TFDP1: variants seen among roughly 807,000 people sequenced by gnomAD.
TFDP1 encodes the protein transcription factor Dp-1.
In TFDP1, 6 loss-of-function variants were observed where a neutral mutation model predicts 48.0. That is an observed-to-expected ratio of 0.13 (90% CI 0.07 to 0.25). The LOEUF (loss-of-function observed/expected upper bound fraction) is 0.25. Ranked by LOEUF, TFDP1 falls within the 10% of genes least tolerant of loss-of-function variation. TFDP1 has a pLI of 1.00. For synonymous variants in TFDP1, 201 were observed against 211.6 expected, an observed-to-expected ratio of 0.95 and a Z score of 0.44; for missense variants, 335 against 543.0, an observed-to-expected ratio of 0.62 and a Z score of 3.81.
In TFDP1 at chr13:113,640,397, T is replaced by C. The variant is rs1460014712; in HGVS notation, c.*130T>C. On this transcript the variant is annotated 3_prime_UTR_variant, in exon 12 of 12. Coordinates refer to ENST00000375370, the MANE Select transcript of TFDP1 (RefSeq NM_007111.5). ...ATTGGTAAGCTATTGAATTTAGATATGCACCTCTGATAAGCAAGGATTGTT... is the reference window on the plus strand; with the variant it reads ...ATTGGTAAGCTATTGAATTTAGATACGCACCTCTGATAAGCAAGGATTGTT... 2.2e-5 allele frequency: 31 copies of C among 1,427,524 alleles called. No individual in the cohort carries two copies. Among genetic ancestry groups the C allele is most frequent in the South Asian group, 9.3e-5 (7 of 75,460 alleles). 88.4% of individuals were successfully genotyped at this position (1,427,524 alleles called of 1,614,324 possible).
At chr13:113,610,221 G>C (rs2048674030) in intron 2 of TFDP1, among the ~76,000 whole-genome samples, 1 of 150,634 alleles carries the variant, frequency 6.6e-6, no homozygotes, top group South Asian at 2.1e-4. Flanking sequence ...TGTGTGTCCT[G>C]TGTGGCTGTA....
chr13:113,640,478 C>A lies in TFDP1; in HGVS notation c.*211C>A. 1.5e-6 allele frequency: 1 copy of A among 664,650 alleles called. No homozygotes were observed. Among genetic ancestry groups the A allele is most frequent in the Non-Finnish European group, 2.3e-6 (1 of 441,074 alleles). The allele number at this position is 664,650 out of a possible 1,614,324, so 41.2% of individuals were successfully genotyped here. On this transcript the variant is annotated 3_prime_UTR_variant, in exon 12 of 12. Transcript: ENST00000375370. ...GTGTTTTGATACCAGTGTGCTGATG[C>A]AGAGCGTTTATTTACTTGTTAGGAT... is the stretch of plus-strand genomic sequence containing the variant.
At chr13:113,597,754 T>C (rs2048320691) in intron 2 of TFDP1, among the ~76,000 whole-genome samples, 2 of 152,224 alleles carry the variant, frequency 1.3e-5, no homozygotes, top group Admixed American at 1.3e-4. Context: ...GGGGCTGATC[T>C]GATCAGAGCT....
intron 3 of TFDP1, among the ~76,000 whole-genome samples, chr13:113,615,411 G>A (rs757608813): frequency 2.6e-5 from 4 of 152,174 alleles, no homozygotes; most frequent in Non-Finnish European, 5.9e-5. Flanking sequence ...CTGTCTGAGG[G>A]TGACCTGGCC....
intron 3 of TFDP1, among the ~76,000 whole-genome samples, chr13:113,618,839 G>C (rs2048924791): frequency 6.6e-6 from 1 of 152,196 alleles, no homozygotes; most frequent in South Asian, 2.1e-4. Flanking sequence ...TCTATGTATG[G>C]GTAAATCTGA....
intron 3 of TFDP1, among the ~76,000 whole-genome samples, chr13:113,617,362 T>C (rs2048883527): frequency 6.6e-6 from 1 of 152,122 alleles, no homozygotes; most frequent in South Asian, 2.1e-4. Flanking sequence ...AGAAGAACAT[T>C]CTGTTGTGGC....
chr13:113,624,907 C>T (rs189033056), intron 4 of TFDP1, among the ~76,000 whole-genome samples: 170 of 145,010 alleles, frequency 1.2e-3, no homozygotes, highest in African/African-American at 4.1e-3. Flanking sequence ...TCCGGTGTCT[C>T]TCACTTGTCC....
At chr13:113,615,104 C>G (rs1267253755) in intron 3 of TFDP1, among the ~76,000 whole-genome samples, 3 of 152,176 alleles carry the variant, frequency 2.0e-5, no homozygotes, top group Non-Finnish European at 4.4e-5. Context: ...CATTTTGCAT[C>G]CACAGGCTCC....
In TFDP1 at chr13:113,623,814, C is replaced by G. The variant is rs2049053905; in HGVS notation, c.186+528C>G. Among the ~76,000 whole-genome samples the G allele has an allele frequency of 6.6e-6, 1 of 152,176 alleles. No homozygotes were observed. The highest frequency in any genetic ancestry group is 2.4e-5 in the African/African-American group (1 of 41,452). On this transcript the variant is annotated intron_variant, in intron 4 of 11. Coordinates refer to ENST00000375370, the MANE Select transcript of TFDP1 (RefSeq NM_007111.5). This position sits in a 1 kb window ranked among gnomAD's most constrained non-coding sequence, Gnocchi z 5.2. ...GGGCATTGGGAAGTGGCGCATCCCC[C>G]CTCCCCAGGCTGATGCTGGCCAACT...
chr13:113,609,279 C>T (rs1177494584), intron 2 of TFDP1, among the ~76,000 whole-genome samples: 1 of 152,204 alleles, frequency 6.6e-6, no homozygotes, highest in East Asian at 1.9e-4. Context: ...GATGCAGCCC[C>T]CCTGCACATC....
intron 2 of TFDP1, among the ~76,000 whole-genome samples, chr13:113,603,909 C>T (rs1594440593): frequency 6.6e-6 from 1 of 152,084 alleles, no homozygotes; most frequent in Admixed American, 6.5e-5. Context: ...ATGTTAAAAA[C>T]ACGAAGCTAG....
chr13:113,622,294 C>G (rs538702794), intron 3 of TFDP1, among the ~76,000 whole-genome samples: 26 of 152,342 alleles, frequency 1.7e-4, no homozygotes, highest in Non-Finnish European at 2.5e-4. Flanking sequence ...CTTCTACACT[C>G]TCTCGTCTCC....
chr13:113,636,411 C>A, intron 9 of TFDP1, 123 bp from the exon 10 acceptor site: 1 of 1,165,508 alleles, frequency 8.6e-7, no homozygotes, highest in African/African-American at 1.5e-5. Context: ...TGAGGAGACA[C>A]TGATGACTGG....
intron 8 of TFDP1, 87 bp from the exon 9 acceptor site, chr13:113,635,890 C>G: frequency 6.9e-7 from 1 of 1,458,282 alleles, no homozygotes; most frequent in Non-Finnish European, 9.3e-7. Flanking sequence ...GTCACGTGGA[C>G]GCAGGGAGGG....
At chr13:113,626,684 C>G (rs1282346076) in intron 4 of TFDP1, among the ~76,000 whole-genome samples, 2 of 152,164 alleles carry the variant, frequency 1.3e-5, no homozygotes, top group Admixed American at 1.3e-4. Flanking sequence ...TTGTGGAAGC[C>G]CTACCACGTC....
intron 4 of TFDP1, among the ~76,000 whole-genome samples, chr13:113,624,986 G>C (rs1433398340): frequency 8.0e-6 from 1 of 125,010 alleles, no homozygotes; most frequent in African/African-American, 3.4e-5. Context: ...CATGTCCTCA[G>C]GTGTCTCTCA....
chr13:113,610,671 TTAAA>T (rs1450611881), intron 2 of TFDP1, among the ~76,000 whole-genome samples: 6 of 152,394 alleles, frequency 3.9e-5, no homozygotes, highest in Admixed American at 3.3e-4. Context: ...TGTGCCACAC[TTAAA>T]TAGAATGTGT....
At chr13:113,625,626 C>T (rs796498211) in intron 4 of TFDP1, among the ~76,000 whole-genome samples, 55 of 75,112 alleles carry the variant, frequency 7.3e-4, no homozygotes, top group East Asian at 1.1e-3. Flanking sequence ...CTCACGTGTC[C>T]TCAGGCGTCT....
At chr13:113,592,610 T>G (rs565353637) in intron 2 of TFDP1, among the ~76,000 whole-genome samples, 10 of 152,348 alleles carry the variant, frequency 6.6e-5, no homozygotes, top group African/African-American at 2.4e-4. Flanking sequence ...ATCGCGTCAC[T>G]GGGGTCTGAG....
Sources: gnomAD v4.1 joint callset for allele counts (sites outside exome capture counted in the v4.1 genomes callset) on GRCh38, gnomAD v4.1.1 for gene constraint, Gnocchi (gnomAD v3.1) non-coding constraint, MANE v1.5 for transcripts, NCBI Gene and HGNC (gene_info 2026-07-23, HGNC 2026-07-21) for gene names.